The following FGD5 variants were observed in gnomAD, a reference collection of about 807,000 sequenced individuals.
FGD5 encodes FYVE, RhoGEF and PH domain containing 5.
Under a neutral mutation model 133.4 loss-of-function variants are expected in FGD5, and 28 were observed. That is an observed-to-expected ratio of 0.21 (90% CI 0.16 to 0.29). FGD5 has a LOEUF of 0.29. FGD5 is among the 10% of genes least tolerant of loss of function. The pLI is 1.00. For synonymous variants in FGD5, 810 were observed against 776.5 expected (o/e 1.04, Z -0.72); for missense variants, 1,858 against 1,895.2 (o/e 0.98, Z 0.36).
Position 14,820,759 on chromosome 3 carries a change from A to C in FGD5, c.1688A>C (p.Tyr563Ser). ...VEGREIPVSV[Y>S]QEPEGSGLDD... is the part of the protein sequence containing the mutation. The stretch of plus-strand genomic sequence containing the variant: ...GGCCGAGAGATTCCAGTGTCCGTGT[A>C]CCAGGAGCCTGAGGGGTCAGGGTTG... Residue 563 changes from tyrosine to serine, a missense_variant, in exon 1 of 20, where the codon TAC (tyrosine) becomes TCC (serine). Tyr to Ser is a moderately radical substitution (Grantham distance 144). Transcript: ENST00000285046. The C allele has an allele frequency of 2.5e-6, 4 of 1,612,944 alleles. No individual in the cohort carries two copies. The highest frequency in any genetic ancestry group is 3.4e-6 in the Non-Finnish European group (4 of 1,179,504).
In FGD5 at chr3:14,878,637, G is replaced by A. The variant is rs186879470; in HGVS notation, c.2659-1935G>A. 9.2e-5 allele frequency among the ~76,000 whole-genome samples: 14 copies of A among 152,144 alleles called. No homozygotes were observed. In the East Asian group the frequency reaches 2.7e-3, roughly 29 times the overall value. On this transcript the variant is annotated intron_variant, in intron 2 of 19. Transcript: ENST00000285046. The stretch of plus-strand genomic sequence containing the variant: ...ATTCTCCTACTGTGCCCATTTCACA[G>A]GTAAGAAAATTGAGGCACAGAGAGC...
chr3:14,906,844 A>G (rs145659687), intron 9 of FGD5, among the ~76,000 whole-genome samples: 11 of 152,334 alleles, frequency 7.2e-5, no homozygotes, highest in African/African-American at 2.4e-4. Flanking sequence ...TTGTGACCCC[A>G]GCTCTCCCAC....
chr3:14,931,616 C>T (rs1186451766), intron 18 of FGD5: 1 of 152,170 alleles, frequency 6.6e-6, no homozygotes, highest in East Asian at 1.9e-4. Flanking sequence ...TATGTTTTTA[C>T]ATAACTGTGT....
At chr3:14,889,398 T>A (rs2037983733) in intron 4 of FGD5, among the ~76,000 whole-genome samples, 1 of 152,192 alleles carries the variant, frequency 6.6e-6, no homozygotes, top group Non-Finnish European at 1.5e-5. Context: ...TCTGTGAGAT[T>A]TAGCCAGCTG....
chr3:14,859,117 TATA>T (rs1196109364), intron 1 of FGD5, among the ~76,000 whole-genome samples: 2 of 152,250 alleles, frequency 1.3e-5, no homozygotes, highest in African/African-American at 2.4e-5. Context: ...AATGTATTAC[TATA>T]ATTTTTGATT....
chr3:14,888,821 A>C (rs1033523969), intron 4 of FGD5, among the ~76,000 whole-genome samples: 5 of 152,212 alleles, frequency 3.3e-5, no homozygotes, highest in Admixed American at 2.0e-4. Context: ...GGAGAAGGGG[A>C]TTCATAGAAA....
At chr3:14,907,233 C>T (rs1463684684) in intron 9 of FGD5, among the ~76,000 whole-genome samples, 1 of 152,250 alleles carries the variant, frequency 6.6e-6, no homozygotes, top group Non-Finnish European at 1.5e-5. Context: ...AACCACGAGG[C>T]TCCACAGAGT....
At chr3:14,878,852 G>A (rs1014589475) in intron 2 of FGD5, among the ~76,000 whole-genome samples, 1 of 151,634 alleles carries the variant, frequency 6.6e-6, no homozygotes, top group Non-Finnish European at 1.5e-5. Flanking sequence ...GATCACAGGC[G>A]CCCACCACCA....
intron 1 of FGD5, among the ~76,000 whole-genome samples, chr3:14,813,337 CT>C (rs2036322701): frequency 1.3e-5 from 2 of 152,296 alleles, no homozygotes; most frequent in South Asian, 4.1e-4. Context: ...CCACACTGTC[CT>C]GTGCTGTCTT....
chr3:14,916,621 A>G (rs1425808460), intron 11 of FGD5, among the ~76,000 whole-genome samples: 1 of 152,228 alleles, frequency 6.6e-6, no homozygotes, highest in Non-Finnish European at 1.5e-5. Flanking sequence ...TGACAAGTGT[A>G]TATCACAGTG....
At chr3:14,892,195 T>A (rs1424558216) in intron 4 of FGD5, among the ~76,000 whole-genome samples, 1 of 149,814 alleles carries the variant, frequency 6.7e-6, no homozygotes, top group Non-Finnish European at 1.5e-5. Flanking sequence ...CAAAAGACCT[T>A]TTTTTTTTAT....
intron 2 of FGD5, among the ~76,000 whole-genome samples, chr3:14,878,228 G>C (rs2037756841): frequency 6.6e-6 from 1 of 152,164 alleles, no homozygotes; most frequent in Non-Finnish European, 1.5e-5. Context: ...CCAGATCTCA[G>C]ATGAAAACAC....
At chr3:14,912,602 C>A (rs1194700308) in intron 11 of FGD5, among the ~76,000 whole-genome samples, 4 of 152,148 alleles carry the variant, frequency 2.6e-5, no homozygotes, top group Non-Finnish European at 5.9e-5. Context: ...CTGTAACATT[C>A]ATTCATTCTG....
chr3:14,933,270 C>T lies in FGD5; in HGVS notation c.*103C>T. ...ACTCATCCGGACACACACCTGGATT[C>T]AGCAATGAGGCCTGACCTTTTTTGC... On this transcript the variant is annotated 3_prime_UTR_variant, in exon 20 of 20. Transcript: ENST00000285046. 2.9e-6 allele frequency: 4 copies of T among 1,361,628 alleles called. No homozygotes were observed. The highest frequency in any genetic ancestry group is 4.1e-6 in the Non-Finnish European group (4 of 971,720). The allele number at this position is 1,361,628 out of a possible 1,614,324, so 84.3% of individuals were successfully genotyped here.
Position 14,839,154 on chromosome 3 carries a change from G to T in FGD5, c.2525+17558G>T, listed in dbSNP as rs143814440. 2.4e-3 allele frequency among the ~76,000 whole-genome samples: 366 copies of T among 152,366 alleles called. 5 individuals carry two copies. The highest frequency in any genetic ancestry group is 8.4e-3 in the African/African-American group (350 of 41,586). ...CCTGTCTGTTTCTCAACACTAGGAA[G>T]TGGGAAATGCACAGGCTTCTGGGGA... On this transcript the variant is annotated intron_variant, in intron 1 of 19. Transcript: ENST00000285046.
chr3:14,852,139 C>T (rs1487578539), intron 1 of FGD5, among the ~76,000 whole-genome samples: 4 of 152,094 alleles, frequency 2.6e-5, no homozygotes, highest in Admixed American at 6.5e-5. Flanking sequence ...TACAAAAATG[C>T]GTACACAGAT....
At chr3:14,915,411 ATGCC>A (rs2038533694) in intron 11 of FGD5, among the ~76,000 whole-genome samples, 1 of 152,194 alleles carries the variant, frequency 6.6e-6, no homozygotes. Flanking sequence ...GTTTTCCTCC[ATGCC>A]TGCGTGGCTC....
chr3:14,879,476 T>C (rs558503881), intron 2 of FGD5, among the ~76,000 whole-genome samples: 1 of 152,340 alleles, frequency 6.6e-6, no homozygotes, highest in East Asian at 1.9e-4. Context: ...AATCTCAGTC[T>C]ATTTCCAGAT....
upstream of FGD5, among the ~76,000 whole-genome samples, chr3:14,816,855 G>A (rs1202508893): frequency 6.6e-6 from 1 of 152,182 alleles, no homozygotes; most frequent in Non-Finnish European, 1.5e-5. Flanking sequence ...GTCTGATGCA[G>A]TGGCTGTTTT....
Sources: allele counts gnomAD v4.1 joint callset (sites outside exome capture counted in the v4.1 genomes callset), GRCh38; gene constraint gnomAD v4.1.1; transcripts MANE v1.5; gene names NCBI Gene and HGNC (gene_info 2026-07-23, HGNC 2026-07-21).